The following SAGE1 variants were observed in gnomAD, a reference collection of about 807,000 sequenced individuals.
The protein encoded by SAGE1 is cancer/testis antigen 14.
A neutral mutation model predicts 55.4 loss-of-function variants in SAGE1; 55 were observed. The observed-to-expected ratio is 0.99, with a 90% CI of 0.80 to 1.24. The LOEUF is 1.24. Among genes scored for constraint, SAGE1 ranks in the 50% most tolerant of loss-of-function variants. The probability of loss-of-function intolerance (pLI) is 0.00; values close to 1 mark genes in which losing one functional copy is unlikely to be tolerated. For synonymous variants in SAGE1, 240 were observed against 244.3 expected, an observed-to-expected ratio of 0.98 and a Z score of 0.17; for missense variants, 710 against 704.4, an observed-to-expected ratio of 1.01 and a Z score of -0.09.
At chrX:135,907,121 T>A in intron 8 of SAGE1, 55 bp downstream of exon 8, 5 of 1,139,620 alleles carry the variant, frequency 4.4e-6, no homozygotes, top group Non-Finnish European at 4.8e-6. Context: ...ACGTGCATAT[T>A]GTCATGAAGG....
In SAGE1 at chrX:135,910,039, T is replaced by A. The variant is rs782654871; in HGVS notation, c.1733T>A (p.Val578Asp). 1 of 1,209,405 alleles carries A rather than the reference T, an allele frequency of 8.3e-7. No homozygotes were observed. Among genetic ancestry groups the A allele is most frequent in the Non-Finnish European group, 1.1e-6 (1 of 894,291 alleles). ...TTTATTTCTGTTCCAGATGCTACCG[T>A]CACTCACAATGTCCATGAAGAGAAG... ...AMSTRDQYAT[V>D]THNVHEEKIK... The change falls in exon 15 of 20, where the codon GTC becomes GAC. Residue 578 changes from valine (V) to aspartate (D), a missense_variant. Val to Asp is a radical substitution (Grantham distance 152). Transcript: ENST00000370709.
Position 135,907,854 on chromosome X carries a change from A to C in SAGE1, c.1159+13A>C, listed in dbSNP as rs1556603018. 3 of 1,203,324 alleles carry C rather than the reference A, an allele frequency of 2.5e-6. No homozygotes were observed. The African/African-American group carries it at 5.3e-5, about 21-fold the overall frequency. ...ACCAGGGATCAGCGTAAGTTTGTTT[A>C]CTAGTTGTGGTGTCCTACTTGGTTT... On this transcript the variant is annotated intron_variant, in intron 10 of 19. Transcript: ENST00000370709.
intron 2 of SAGE1, among the ~76,000 whole-genome samples, chrX:135,898,624 TC>T (rs1285961161): frequency 2.7e-5 from 3 of 112,099 alleles, no homozygotes; most frequent in African/African-American, 9.7e-5. Flanking sequence ...GTAAAAGCAG[TC>T]CTTTTTCTCC....
At chrX:135,896,083 G>A in intron 1 of SAGE1, 160 bp from the exon 2 acceptor site, 1 of 424,361 alleles carries the variant, frequency 2.4e-6, no homozygotes. Flanking sequence ...TCTAAACTCT[G>A]GTACCAAGGC....
intron 2 of SAGE1, 133 bp downstream of exon 2, chrX:135,896,462 T>G: frequency 2.3e-6 from 1 of 434,919 alleles, no homozygotes; most frequent in Non-Finnish European, 3.9e-6. Flanking sequence ...ACAGGAAATC[T>G]TATGTGAACA....
chrX:135,902,984 G>T (rs782093222), intron 3 of SAGE1, among the ~76,000 whole-genome samples: 2 of 111,605 alleles, frequency 1.8e-5, no homozygotes, highest in South Asian at 7.5e-4. Context: ...ATCATGCCAT[G>T]TCCCTCCTGA....
intron 16 of SAGE1, 97 bp downstream of exon 16, chrX:135,910,652 T>G (rs1017260853): frequency 1.2e-6 from 1 of 834,436 alleles, no homozygotes; most frequent in African/African-American, 2.0e-5. Flanking sequence ...TATTCTTTCC[T>G]AGCCTCAGTT....
Position 135,906,005 on chromosome X carries a change from CTCT to C in SAGE1, c.455-16_455-14del. 8.4e-7 allele frequency: 1 copy of C among 1,194,585 alleles called. No homozygotes were observed. Among genetic ancestry groups the C allele is most frequent in the Non-Finnish European group, 1.1e-6 (1 of 885,307 alleles). ...TAATGCACTTACCTCACAGCTTGAACTCTTCATTTGGTTTCCAGATTCTACCGT... is the reference window on the plus strand; with the variant it reads ...TAATGCACTTACCTCACAGCTTGAACTCATTTGGTTTCCAGATTCTACCGT... On this transcript the variant is annotated splice_polypyrimidine_tract_variant and intron_variant, in intron 5 of 19. Transcript: ENST00000370709.
intron 5 of SAGE1, 54 bp downstream of exon 5, chrX:135,905,446 T>A (rs2148085268): frequency 1.8e-6 from 2 of 1,106,602 alleles, no homozygotes; most frequent in East Asian, 3.0e-5. Flanking sequence ...AGCATGGATA[T>A]TTTCATGAAA....
At chrX:135,912,052 T>C in intron 18 of SAGE1, 99 bp downstream of exon 18, 1 of 1,136,974 alleles carries the variant, frequency 8.8e-7, no homozygotes, top group Non-Finnish European at 1.2e-6. Context: ...ATTGTTTGGC[T>C]GAATTGGATC....
chrX:135,908,812 G>A, intron 12 of SAGE1, 52 bp from the exon 13 acceptor site: 3 of 1,181,685 alleles, frequency 2.5e-6, no homozygotes, highest in Non-Finnish European at 3.4e-6. Flanking sequence ...ATATCGGTGG[G>A]GTTGACATAA....
At chrX:135,895,917 C>A (rs1212933436) in intron 1 of SAGE1, among the ~76,000 whole-genome samples, 1 of 111,090 alleles carries the variant, frequency 9.0e-6, no homozygotes, top group Non-Finnish European at 1.9e-5. Context: ...GGAAGGTCAG[C>A]CCATTCTCAA....
chrX:135,907,290 C>T, intron 8 of SAGE1, 23 bp from the exon 9 acceptor site: 1 of 1,199,545 alleles, frequency 8.3e-7, no homozygotes, highest in Non-Finnish European at 1.1e-6. Flanking sequence ...ACTCACAGCT[C>T]AACCTCTTCA....
intron 2 of SAGE1, among the ~76,000 whole-genome samples, chrX:135,896,546 T>C (rs1556593929): frequency 2.0e-5 from 2 of 101,691 alleles, no homozygotes; most frequent in Non-Finnish European, 4.0e-5. Flanking sequence ...TATTTTATTT[T>C]ATTTTATTTA....
intron 2 of SAGE1, among the ~76,000 whole-genome samples, chrX:135,897,918 A>G (rs1263800259): frequency 8.9e-6 from 1 of 112,198 alleles, no homozygotes; most frequent in Non-Finnish European, 1.9e-5. Flanking sequence ...AAGTGAGAAC[A>G]CGTGCTGTTT....
Position 135,911,060 on chromosome X carries a change from C to T in SAGE1, c.2006-132C>T, listed in dbSNP as rs2088889764. The T allele has an allele frequency of 7.3e-6, 5 of 682,933 alleles. No individual in the cohort carries two copies. In the South Asian group the frequency reaches 1.5e-4, roughly 21 times the overall value. 56.3% of individuals were successfully genotyped at this position (682,933 alleles called of 1,213,427 possible). ...CTTTTGCTTGCCTCAATTTCAGGGTCTCTGATTGCCACCTGGTATATCCTC... is the reference window on the plus strand; with the variant it reads ...CTTTTGCTTGCCTCAATTTCAGGGTTTCTGATTGCCACCTGGTATATCCTC... On this transcript the variant is annotated intron_variant, in intron 16 of 19. Coordinates refer to ENST00000370709, the MANE Select transcript of SAGE1 (RefSeq NM_001381902.1).
In SAGE1 at chrX:135,912,828, C is replaced by G; in HGVS notation, c.2646C>G (p.Leu882=). 2 of 1,209,589 alleles carry G rather than the reference C, an allele frequency of 1.7e-6. No individual in the cohort carries two copies. Among genetic ancestry groups the G allele is most frequent in the Non-Finnish European group, 2.2e-6 (2 of 894,168 alleles). ...RFKKVVLIQQ[L]EKALKEIDSH... The stretch of plus-strand genomic sequence containing the variant: ...AAAAAGTTGTCTTAATTCAGCAACT[C>G]GAGAAGGCGCTTAAAGAAATAGATT... The change falls in exon 20 of 20, where the codon CTC becomes CTG. Residue 882 remains leucine (L), a synonymous_variant. Transcript: ENST00000370709.
chrX:135,908,540 A>T lies in SAGE1; in HGVS notation c.1364A>T (p.Asn455Ile), dbSNP rs1274761061. The change falls in exon 12 of 20, where the codon AAC becomes ATC. Residue 455 changes from asparagine to isoleucine, a missense_variant. Coordinates refer to ENST00000370709, the MANE Select transcript of SAGE1 (RefSeq NM_001381902.1). ...RMENGQRKQDNVLSNVLSGLI... is the reference protein window; with the variant it reads ...RMENGQRKQDIVLSNVLSGLI... ...GAAAATGGCCAACGAAAACAGGATA[A>T]CGTCTTGTCAAATGTTCTATCCGGG... 1 of 1,207,559 alleles carries T rather than the reference A, an allele frequency of 8.3e-7. No individual in the cohort carries two copies. The highest frequency in any genetic ancestry group is 3.0e-5 in the East Asian group (1 of 33,811).
At chrX:135,898,087 G>T (rs1312175204) in intron 2 of SAGE1, among the ~76,000 whole-genome samples, 3 of 111,003 alleles carry the variant, frequency 2.7e-5, no homozygotes, top group African/African-American at 9.8e-5. Context: ...GCATGATCTC[G>T]GCTCACTGCA....
Sources: gnomAD v4.1 joint callset for allele counts (sites outside exome capture counted in the v4.1 genomes callset) on GRCh38, gnomAD v4.1.1 for gene constraint, MANE v1.5 for transcripts, NCBI Gene and HGNC (gene_info 2026-07-23, HGNC 2026-07-21) for gene names.